Variants in FUT8 observed in about 807,000 individuals in gnomAD.
FUT8 encodes fucosyltransferase 8, also known as alpha-(1,6)-fucosyltransferase.
In FUT8, 29 loss-of-function variants were observed where a neutral mutation model predicts 71.3. The observed-to-expected ratio is 0.41, with a 90% CI of 0.30 to 0.55. FUT8 has a LOEUF of 0.55. Ranked by LOEUF, FUT8 falls within the 20% of genes least tolerant of loss-of-function variation. FUT8 has a pLI of 0.34. For missense variants in FUT8, 544 were observed against 702.1 expected, an observed-to-expected ratio of 0.77 and a Z score of 2.55; for synonymous variants, 254 against 239.3, an observed-to-expected ratio of 1.06 and a Z score of -0.57.
intron 2 of FUT8, among the ~76,000 whole-genome samples, chr14:65,464,969 A>G (rs1450080188): frequency 6.6e-6 from 1 of 152,110 alleles, no homozygotes; most frequent in Non-Finnish European, 1.5e-5. Flanking sequence ...TCTGTTTTGG[A>G]AGATTATTAA....
intron 6 of FUT8, among the ~76,000 whole-genome samples, chr14:65,644,416 G>T (rs540598578): frequency 6.6e-6 from 1 of 151,884 alleles, no homozygotes; most frequent in African/African-American, 2.4e-5. Flanking sequence ...TCAGCCTCCC[G>T]ACTAGCTGGG....
chr14:65,389,698 G>C, the FUT8 span, among the ~76,000 whole-genome samples: 1 of 151,400 alleles, frequency 6.6e-6, no homozygotes, highest in East Asian at 2.0e-4. Context: ...CATGTGATCT[G>C]CCCACCTCAG....
At chr14:65,541,871 C>G (rs1884698081) in intron 2 of FUT8, among the ~76,000 whole-genome samples, 1 of 152,084 alleles carries the variant, frequency 6.6e-6, no homozygotes, top group South Asian at 2.1e-4. Context: ...GGTTGCCTGT[C>G]CTTGTGTTAA....
intron 6 of FUT8, among the ~76,000 whole-genome samples, chr14:65,651,205 A>G (rs1383543409): frequency 6.6e-6 from 1 of 152,242 alleles, no homozygotes; most frequent in Non-Finnish European, 1.5e-5. Context: ...GACTTAAAAA[A>G]ATCTGTGTTT....
At chr14:65,657,365 C>T (rs1042098095) in intron 6 of FUT8, among the ~76,000 whole-genome samples, 1 of 152,150 alleles carries the variant, frequency 6.6e-6, no homozygotes, top group African/African-American at 2.4e-5. Context: ...GAAATATTTG[C>T]ACTTCCATGT....
At chr14:65,451,242 C>A (rs568134161) in intron 1 of FUT8, among the ~76,000 whole-genome samples, 1 of 152,346 alleles carries the variant, frequency 6.6e-6, no homozygotes, top group Non-Finnish European at 1.5e-5. Flanking sequence ...TGAAACCAGC[C>A]GGCTGCTTTG....
At chr14:65,617,011 A>G (rs560371590) in intron 5 of FUT8, 380 of 1,473,820 alleles carry the variant, frequency 2.6e-4, no homozygotes, top group Non-Finnish European at 3.2e-4. Context: ...TGCAGAACAA[A>G]ATGTATCTGA....
At chr14:65,572,127 C>T (rs1886511328) in intron 3 of FUT8, among the ~76,000 whole-genome samples, 1 of 152,052 alleles carries the variant, frequency 6.6e-6, no homozygotes. Context: ...TTTTATGACA[C>T]TTTTCTCAAG....
In FUT8 at chr14:65,412,969, C is replaced by T. The variant is rs2065159325; in HGVS notation, c.-571C>T. ...GCCCTGGACCCAGCTCGCTCTCGGT[C>T]TCGCGCTGTCAGCGACTGCCCGGCT... On this transcript the variant is annotated 5_prime_UTR_variant, in exon 1 of 11. Coordinates refer to ENST00000673929, the MANE Select transcript of FUT8 (RefSeq NM_001371533.1). 6.5e-6 allele frequency: 1 copy of T among 153,244 alleles called. No homozygotes were observed. The highest frequency in any genetic ancestry group is 1.5e-5 in the Non-Finnish European group (1 of 68,514). 9.5% of individuals were successfully genotyped at this position (153,244 alleles called of 1,614,324 possible). A position where few individuals can be genotyped will look rare whatever the true frequency, so the allele number is the denominator to read the frequency against.
At chr14:65,401,111 A>C in the FUT8 span, among the ~76,000 whole-genome samples, 1 of 152,238 alleles carries the variant, frequency 6.6e-6, no homozygotes, top group East Asian at 1.9e-4. Flanking sequence ...CTTCATAAAC[A>C]GAACCAAATC....
At chr14:65,471,092 T>C (rs375363935) in intron 2 of FUT8, 2 of 467,690 alleles carry the variant, frequency 4.3e-6, no homozygotes, top group South Asian at 1.5e-5. Context: ...GCTGTACTGA[T>C]GTGGTGGTAA....
intron 1 of FUT8, among the ~76,000 whole-genome samples, chr14:65,422,870 C>G (rs2065319741): frequency 6.6e-6 from 1 of 151,876 alleles, no homozygotes; most frequent in Non-Finnish European, 1.5e-5. Context: ...CAGGCCCAGG[C>G]TGATCTTGAA....
At chr14:65,523,802 T>G (rs1883253020) in intron 2 of FUT8, among the ~76,000 whole-genome samples, 1 of 152,198 alleles carries the variant, frequency 6.6e-6, no homozygotes, top group African/African-American at 2.4e-5. Context: ...GGCTAGCCAG[T>G]TTTCCCAGCA....
At chr14:65,362,878 C>T in the FUT8 span, among the ~76,000 whole-genome samples, 3 of 147,144 alleles carry the variant, frequency 2.0e-5, no homozygotes, top group Non-Finnish European at 3.0e-5. Context: ...AGGAGAATGG[C>T]GCGAACCTGG....
At chr14:65,495,113 T>C (rs2066538885) in intron 2 of FUT8, among the ~76,000 whole-genome samples, 1 of 152,010 alleles carries the variant, frequency 6.6e-6, no homozygotes, top group East Asian at 1.9e-4. Context: ...CCTTTTTTTT[T>C]CTTTTTATAG....
intron 2 of FUT8, among the ~76,000 whole-genome samples, chr14:65,555,566 G>A (rs1296254966): frequency 2.0e-5 from 3 of 152,100 alleles, no homozygotes; most frequent in South Asian, 4.2e-4. Flanking sequence ...CTGAACTTTG[G>A]TCTTTGTCTT....
At chr14:65,631,701 A>G (rs1458951234) in intron 6 of FUT8, among the ~76,000 whole-genome samples, 1 of 151,962 alleles carries the variant, frequency 6.6e-6, no homozygotes, top group Admixed American at 6.6e-5. Context: ...AGTGCTTTGG[A>G]AAAATATTTT....
chr14:65,669,186 GC>G lies in FUT8; in HGVS notation c.598-56del, dbSNP rs1892359881. On this transcript the variant is annotated intron_variant, in intron 6 of 10. Transcript: ENST00000673929. This position sits in a 1 kb window ranked among gnomAD's most constrained non-coding sequence, Gnocchi z 4.5. ...GATGAAAGATTAAAAAAAAAAAAGA[GC>G]AGTTGACCTCTCTGTACAACTTATC... 1 of 1,227,636 alleles carries G rather than the reference GC, an allele frequency of 8.1e-7. No individual in the cohort carries two copies. Among genetic ancestry groups the G allele is most frequent in the Non-Finnish European group, 1.2e-6 (1 of 865,142 alleles). The allele number at this position is 1,227,636 out of a possible 1,614,324, so 76.0% of individuals were successfully genotyped here. A position where few individuals can be genotyped will look rare whatever the true frequency, so the allele number is the denominator to read the frequency against.
the FUT8 span, among the ~76,000 whole-genome samples, chr14:65,398,345 G>A: frequency 6.6e-6 from 1 of 151,970 alleles, no homozygotes; most frequent in Admixed American, 6.6e-5. Flanking sequence ...TTTATTAGAA[G>A]ACCAAGACAG....
Sources: allele counts gnomAD v4.1 joint callset (sites outside exome capture counted in the v4.1 genomes callset), GRCh38; gene constraint gnomAD v4.1.1; non-coding constraint Gnocchi (gnomAD v3.1); transcripts MANE v1.5; gene names NCBI Gene and HGNC (gene_info 2026-07-23, HGNC 2026-07-21).